CFI: variants seen among roughly 807,000 people sequenced by gnomAD.
CFI encodes the protein complement factor I, also known as C3B/C4B inactivator.
A neutral mutation model predicts 78.8 loss-of-function variants in CFI; 66 were observed. That is an observed-to-expected ratio of 0.84 (90% CI 0.69 to 1.03). The LOEUF is 1.03. Among genes scored for constraint, CFI ranks in the 50% least tolerant of loss-of-function variants. The pLI, the probability that CFI is intolerant of heterozygous loss-of-function variation, is 0.00. For missense variants in CFI, 706 were observed against 704.5 expected, an observed-to-expected ratio of 1.00 and a Z score of -0.02; for synonymous variants, 250 against 232.6, an observed-to-expected ratio of 1.07 and a Z score of -0.68.
In CFI at chr4:109,746,230, C is replaced by T. The variant is rs765956155; in HGVS notation, c.1421G>A (p.Arg474Gln). The change falls in exon 11 of 13, where the codon CGA (arginine) becomes CAA (glutamine). Residue 474 changes from arginine (R) to glutamine (Q), a missense_variant. By Grantham distance (43) the Arg-to-Gln change is conservative. Coordinates refer to ENST00000394634, the MANE Select transcript of CFI (RefSeq NM_000204.5). ...NDTCIVSGWG[R>Q]EKDNERVFSL... ...AACTGTAAAACATATACCTTTTTCT[C>T]GTCCCCAGCCAGAAACGATGCATGT... 3.4e-5 allele frequency: 55 copies of T among 1,614,036 alleles called. No homozygotes were observed. The highest frequency in any genetic ancestry group is 2.0e-4 in the South Asian group (18 of 91,080).
chr4:109,735,354 T>C, the CFI span, among the ~76,000 whole-genome samples: 3 of 152,168 alleles, frequency 2.0e-5, no homozygotes, highest in Non-Finnish European at 4.4e-5. Flanking sequence ...TTCTTCTATA[T>C]ATATGAGCAT....
chr4:109,800,202 A>T (rs1195092799), intron 1 of CFI, among the ~76,000 whole-genome samples: 4 of 150,874 alleles, frequency 2.7e-5, no homozygotes, highest in Non-Finnish European at 5.9e-5. Flanking sequence ...TGCCACCCAT[A>T]TGTGCCTGAG....
chr4:109,751,437 T>C (rs1292160209), intron 8 of CFI, among the ~76,000 whole-genome samples: 1 of 93,368 alleles, frequency 1.1e-5, no homozygotes, highest in East Asian at 3.1e-4. Context: ...GAGAGCTAAA[T>C]CTTTTTTTTT....
In CFI at chr4:109,766,782, A is replaced by C. The variant is rs756369389; in HGVS notation, c.100T>G (p.Leu34Val). 4 of 1,614,188 alleles carry C rather than the reference A, an allele frequency of 2.5e-6. No homozygotes were observed. The South Asian group carries it at 4.4e-5, about 18-fold the overall frequency. The change falls in exon 2 of 13, where the codon TTA (leucine) becomes GTA (valine). Residue 34 changes from leucine to valine, a missense_variant. Physicochemically the swap from Leu to Val is conservative, Grantham distance 32 (BLOSUM62 1). Transcript: ENST00000394634. ...GAGAGGTGAGTATATTTTTTTGCTAAGCACTTTTTCTCCACCAGATCCTCT... is the reference window on the plus strand; with the variant it reads ...GAGAGGTGAGTATATTTTTTTGCTACGCACTTTTTCTCCACCAGATCCTCT... ...SQEDLVEKKC[L>V]AKKYTHLSCD... is the part of the protein sequence containing the mutation.
intron 1 of CFI, among the ~76,000 whole-genome samples, chr4:109,785,022 C>T (rs1730564452): frequency 6.6e-6 from 1 of 152,048 alleles, no homozygotes; most frequent in South Asian, 2.1e-4. Flanking sequence ...TTCACCCCCG[C>T]AAGAAGCTAC....
intron 2 of CFI, among the ~76,000 whole-genome samples, chr4:109,765,292 T>C (rs1443135531): frequency 1.3e-5 from 2 of 152,188 alleles, no homozygotes; most frequent in Non-Finnish European, 2.9e-5. Flanking sequence ...AGCTGATATA[T>C]GTCATGGTGC....
chr4:109,733,826 A>T, the CFI span, among the ~76,000 whole-genome samples: 1 of 152,350 alleles, frequency 6.6e-6, no homozygotes, highest in East Asian at 1.9e-4. Flanking sequence ...AGTTCAGCAT[A>T]AAGGTTAGAA....
chr4:109,746,590 T>TG, intron 10 of CFI, 88 bp from the exon 11 acceptor site: 5 of 1,155,426 alleles, frequency 4.3e-6, no homozygotes, highest in Non-Finnish European at 6.0e-6. Flanking sequence ...TTTTCCCTTT[T>TG]AAAAACCTTT....
At chr4:109,767,924 T>C (rs1236723004) in intron 1 of CFI, among the ~76,000 whole-genome samples, 1 of 151,990 alleles carries the variant, frequency 6.6e-6, no homozygotes, top group African/African-American at 2.4e-5. Context: ...AAATGTGGCA[T>C]ATATACACCA....
chr4:109,774,770 C>G (rs900569498), intron 1 of CFI, among the ~76,000 whole-genome samples: 6 of 152,086 alleles, frequency 3.9e-5, no homozygotes, highest in Admixed American at 6.6e-5. Context: ...GGCACAAAAG[C>G]AATAAAAAAG....
downstream of CFI, among the ~76,000 whole-genome samples, chr4:109,739,628 T>C (rs940138611): frequency 1.3e-5 from 2 of 152,172 alleles, no homozygotes; most frequent in Non-Finnish European, 2.9e-5. Context: ...GATATTCACA[T>C]GGCAATGGTA....
intron 6 of CFI, among the ~76,000 whole-genome samples, chr4:109,759,684 C>T (rs1209429777): frequency 3.3e-5 from 5 of 152,150 alleles, no homozygotes; most frequent in Non-Finnish European, 5.9e-5. Flanking sequence ...CATCTGAGGT[C>T]AGGAGTTTGA....
In CFI at chr4:109,749,622, T is replaced by G. The variant is rs962557350; in HGVS notation, c.941-20A>C. 6 of 1,462,674 alleles carry G rather than the reference T, an allele frequency of 4.1e-6. No individual in the cohort carries two copies. The African/African-American group carries it at 7.0e-5, about 17-fold the overall frequency. 90.6% of individuals were successfully genotyped at this position (1,462,674 alleles called of 1,614,324 possible). On this transcript the variant is annotated intron_variant, in intron 8 of 12. Coordinates refer to ENST00000394634, the MANE Select transcript of CFI (RefSeq NM_000204.5). ...TTCTTTCTTCAAGAAAGGAAGAGAT[T>G]ACATCATTATTATCTTGAACCCATT...
chr4:109,746,792 G>C (rs144296070), intron 10 of CFI, among the ~76,000 whole-genome samples: 1 of 152,312 alleles, frequency 6.6e-6, no homozygotes, highest in Admixed American at 6.5e-5. Flanking sequence ...TGCCTCTGGA[G>C]TGAGTGTGCC....
Position 109,764,676 on chromosome 4 carries a change from A to G in CFI, c.343T>C (p.Ser115Pro). 6.2e-7 allele frequency: 1 copy of G among 1,613,892 alleles called. No homozygotes were observed. The highest frequency in any genetic ancestry group is 8.5e-7 in the Non-Finnish European group (1 of 1,179,972). ...GAATCTGTATTTCCATGCTTCAAGG[A>G]AACACTAAACTTTCCTAAAATAAAA... ...TCTAEGKFSV[S>P]LKHGNTDSEG... is the part of the protein sequence containing the mutation. The change falls in exon 3 of 13, where the codon TCC (serine) becomes CCC (proline). Residue 115 changes from serine to proline, a missense_variant. By Grantham distance (74) the Ser-to-Pro change is moderately conservative. Coordinates refer to ENST00000394634, the MANE Select transcript of CFI (RefSeq NM_000204.5).
intron 1 of CFI, among the ~76,000 whole-genome samples, chr4:109,798,750 C>T (rs1732390331): frequency 6.6e-6 from 1 of 151,594 alleles, no homozygotes; most frequent in South Asian, 2.1e-4. Flanking sequence ...GCTTTGGTTG[C>T]TTGGTGTTTG....
At chr4:109,781,057 T>G (rs1729952860) in intron 1 of CFI, among the ~76,000 whole-genome samples, 1 of 152,038 alleles carries the variant, frequency 6.6e-6, no homozygotes, top group Admixed American at 6.6e-5. Context: ...CATGACAAGT[T>G]AACGTGTGCA....
chr4:109,767,559 A>G (rs1727938636), intron 1 of CFI, among the ~76,000 whole-genome samples: 1 of 151,474 alleles, frequency 6.6e-6, no homozygotes, highest in Non-Finnish European at 1.5e-5. Context: ...CATCAGAGAA[A>G]TGCAAATCAA....
chr4:109,741,199 G>T, intron 12 of CFI, 89 bp from the exon 13 acceptor site: 2 of 1,598,146 alleles, frequency 1.3e-6, no homozygotes. Flanking sequence ...AACAACTTTG[G>T]CTTTTTTACA....
Sources: gnomAD v4.1 joint callset for allele counts (sites outside exome capture counted in the v4.1 genomes callset) on GRCh38, gnomAD v4.1.1 for gene constraint, MANE v1.5 for transcripts, NCBI Gene and HGNC (gene_info 2026-07-23, HGNC 2026-07-21) for gene names.